ZFYVE9: variants seen among roughly 807,000 people sequenced by gnomAD.
The protein encoded by ZFYVE9 is zinc finger FYVE domain-containing protein 9.
A neutral mutation model predicts 126.7 loss-of-function variants in ZFYVE9; 43 were observed. The observed-to-expected ratio is 0.34, with a 90% CI of 0.27 to 0.44. ZFYVE9 has a LOEUF of 0.44. Among genes scored for constraint, ZFYVE9 ranks in the 20% least tolerant of loss-of-function variants. The pLI is 1.00. For missense variants in ZFYVE9, 1,476 were observed against 1,697.0 expected (o/e 0.87, Z 2.29); for synonymous variants, 521 against 597.4 (o/e 0.87, Z 1.87).
intron 4 of ZFYVE9, among the ~76,000 whole-genome samples, chr1:52,240,414 C>A (rs1186953507): frequency 3.3e-5 from 5 of 152,068 alleles, no homozygotes; most frequent in African/African-American, 7.2e-5. Flanking sequence ...TTTTATTGGG[C>A]TGTTGTCAAG....
intron 1 of ZFYVE9, among the ~76,000 whole-genome samples, chr1:52,156,121 C>T (rs1314273266): frequency 1.3e-5 from 2 of 152,176 alleles, no homozygotes; most frequent in African/African-American, 4.8e-5. Flanking sequence ...AGCCCCAAAG[C>T]AAAACCATGA....
intron 2 of ZFYVE9, among the ~76,000 whole-genome samples, chr1:52,231,107 T>G (rs1424002631): frequency 6.6e-6 from 1 of 152,224 alleles, no homozygotes; most frequent in Non-Finnish European, 1.5e-5. Flanking sequence ...GTGAGAAATT[T>G]CATTTGCTCT....
chr1:52,271,244 C>A (rs1310804910), intron 7 of ZFYVE9, among the ~76,000 whole-genome samples: 2 of 152,188 alleles, frequency 1.3e-5, no homozygotes, highest in Non-Finnish European at 2.9e-5. Flanking sequence ...CATTATAAGA[C>A]AGGCTAAGCC....
chr1:52,316,716 A>G (rs1646189289), intron 13 of ZFYVE9, among the ~76,000 whole-genome samples: 1 of 152,212 alleles, frequency 6.6e-6, no homozygotes, highest in Non-Finnish European at 1.5e-5. Context: ...GGTAAAACAA[A>G]AGGTTAAATG....
rs552883998 is a variant in ZFYVE9, at chr1:52,317,180, G to C, written c.3438+13255G>C. ...ATGAGATATAAAAATTGGGGATACAGCTAAAACAATGATTAGAGATAAATT... is the reference window on the plus strand; with the variant it reads ...ATGAGATATAAAAATTGGGGATACACCTAAAACAATGATTAGAGATAAATT... On this transcript the variant is annotated intron_variant, in intron 13 of 18. Coordinates refer to ENST00000287727, the MANE Select transcript of ZFYVE9 (RefSeq NM_004799.4). Among the ~76,000 whole-genome samples, 54 of 152,226 alleles carry C rather than the reference G, an allele frequency of 3.5e-4. 1 individual carries two copies. In the South Asian group the frequency reaches 0.011, roughly 30 times the overall value.
At chr1:52,306,197 T>C (rs965196740) in intron 13 of ZFYVE9, among the ~76,000 whole-genome samples, 5 of 152,170 alleles carry the variant, frequency 3.3e-5, no homozygotes, top group African/African-American at 1.2e-4. Flanking sequence ...AGTCGGTGCA[T>C]GCTTCCCCTC....
intron 13 of ZFYVE9, among the ~76,000 whole-genome samples, chr1:52,309,813 G>A (rs1341875067): frequency 1.3e-5 from 2 of 152,074 alleles, no homozygotes; most frequent in Non-Finnish European, 2.9e-5. Flanking sequence ...TGAGGAGGGA[G>A]GGAGGGACTA....
rs116192894 is a variant in ZFYVE9 at position 52,306,870 on chromosome 1, T to C, written c.3438+2945T>C. On this transcript the variant is annotated intron_variant, in intron 13 of 18. Transcript: ENST00000287727. ...GCAGCAGCCAGCATGCCTGACTGTG[T>C]GCAGTGGCCGGAACCCACGCTTGCT... Among the ~76,000 whole-genome samples, 1,483 of 152,330 alleles carry C rather than the reference T, an allele frequency of 9.7e-3. 23 individuals are homozygous for C. The highest frequency in any genetic ancestry group is 0.033 in the African/African-American group (1,389 of 41,578).
chr1:52,333,726 C>T (rs1056257034), intron 14 of ZFYVE9, among the ~76,000 whole-genome samples: 1 of 149,282 alleles, frequency 6.7e-6, no homozygotes, highest in Non-Finnish European at 1.5e-5. Context: ...GAGGCCAAGG[C>T]GAGAGCATCA....
intron 2 of ZFYVE9, among the ~76,000 whole-genome samples, chr1:52,223,615 G>A (rs928007773): frequency 6.6e-6 from 1 of 152,092 alleles, no homozygotes; most frequent in Non-Finnish European, 1.5e-5. Context: ...GTCTAAACCT[G>A]CATATTTTCT....
chr1:52,289,646 A>G (rs1645898469), intron 10 of ZFYVE9, among the ~76,000 whole-genome samples: 1 of 152,194 alleles, frequency 6.6e-6, no homozygotes, highest in Non-Finnish European at 1.5e-5. Context: ...TTCAGATGAA[A>G]GCCTTTCTTT....
At chr1:52,181,648 T>G (rs1388247890) in intron 1 of ZFYVE9, among the ~76,000 whole-genome samples, 3 of 127,786 alleles carry the variant, frequency 2.3e-5, no homozygotes, top group Non-Finnish European at 5.0e-5. Context: ...GAGCGCCTCT[T>G]CCCGGCCGCC....
intron 13 of ZFYVE9, among the ~76,000 whole-genome samples, chr1:52,325,639 T>C (rs1410216603): frequency 6.6e-6 from 1 of 152,240 alleles, no homozygotes; most frequent in Admixed American, 6.5e-5. Flanking sequence ...CAGTATAGTT[T>C]TATGACTATT....
chr1:52,183,488 T>C lies in ZFYVE9; in HGVS notation c.-142-32881T>C, dbSNP rs566829686. On this transcript the variant is annotated intron_variant, in intron 1 of 18. Coordinates refer to ENST00000287727, the MANE Select transcript of ZFYVE9 (RefSeq NM_004799.4). ...TTTGCCTTTTGAGTTATTAATTTTATTCAAAATTATTTATGTATTTATTTG... is the reference window on the plus strand; with the variant it reads ...TTTGCCTTTTGAGTTATTAATTTTACTCAAAATTATTTATGTATTTATTTG... Among the ~76,000 whole-genome samples, 9 of 152,340 alleles carry C rather than the reference T, an allele frequency of 5.9e-5. No homozygotes were observed. In the East Asian group the frequency reaches 1.5e-3, roughly 26 times the overall value.
intron 13 of ZFYVE9, among the ~76,000 whole-genome samples, chr1:52,304,928 A>G (rs1044723496): frequency 2.6e-5 from 4 of 152,162 alleles, no homozygotes; most frequent in Non-Finnish European, 1.5e-5. Context: ...GAGACTAGGT[A>G]GAGTCAAATC....
In ZFYVE9 at chr1:52,237,659, C is replaced by T; in HGVS notation, c.242C>T (p.Thr81Ile). Residue 81 changes from threonine to isoleucine, a missense_variant, in exon 4 of 19, where the codon ACC becomes ATC. Physicochemically the swap from Thr to Ile is moderately conservative, Grantham distance 89. Transcript: ENST00000287727. ...TCCCTGGCTCATTCAGCTCCCCTGA[C>T]CACAGAGGAAGAGGATCACTGTGCT... Reference protein sequence around the residue: ...VFSLAHSAPLTTEEEDHCANG... With the variant: ...VFSLAHSAPLITEEEDHCANG... The T allele has an allele frequency of 5.0e-6, 8 of 1,614,072 alleles. No individual in the cohort carries two copies. The highest frequency in any genetic ancestry group is 4.4e-5 in the South Asian group (4 of 91,082).
chr1:52,216,813 A>G (rs1226753613), intron 2 of ZFYVE9, among the ~76,000 whole-genome samples: 7 of 152,236 alleles, frequency 4.6e-5, no homozygotes, highest in African/African-American at 1.7e-4. Context: ...AAGTAAAGCT[A>G]ATTTGGTGAT....
At chr1:52,312,230 C>T (rs995604247) in intron 13 of ZFYVE9, among the ~76,000 whole-genome samples, 4 of 152,030 alleles carry the variant, frequency 2.6e-5, no homozygotes, top group South Asian at 2.1e-4. Flanking sequence ...GGTGAAGTGG[C>T]GAAGACTCAA....
At chr1:52,160,362 C>T (rs1395362656) in intron 1 of ZFYVE9, 4 of 1,164,160 alleles carry the variant, frequency 3.4e-6, no homozygotes, top group African/African-American at 3.0e-5. Flanking sequence ...AATTCATCAA[C>T]TTTTATCTTT....
Sources: gnomAD v4.1 joint callset for allele counts (sites outside exome capture counted in the v4.1 genomes callset) on GRCh38, gnomAD v4.1.1 for gene constraint, MANE v1.5 for transcripts, NCBI Gene and HGNC (gene_info 2026-07-23, HGNC 2026-07-21) for gene names.